PLCL2: variants seen among roughly 807,000 people sequenced by gnomAD.
PLCL2 encodes inactive phospholipase C-like protein 2.
PLCL2 carries 4 observed loss-of-function variants against 79.6 expected under a neutral mutation model. The observed-to-expected ratio is 0.05, with a 90% confidence interval of 0.02 to 0.11. The LOEUF (loss-of-function observed/expected upper bound fraction) is 0.11, where lower values mean the gene tolerates loss of function less well. Ranked by LOEUF, PLCL2 falls within the 10% of genes least tolerant of loss-of-function variation. The probability of loss-of-function intolerance (pLI) is 1.00; values close to 1 mark genes in which losing one functional copy is unlikely to be tolerated. For missense variants in PLCL2, 895 were observed against 1,291.0 expected, an observed-to-expected ratio of 0.69 and a Z score of 4.70; for synonymous variants, 484 against 457.7, an observed-to-expected ratio of 1.06 and a Z score of -0.73.
chr3:16,889,794 G>C (rs1298146491), intron 1 of PLCL2, among the ~76,000 whole-genome samples: 1 of 152,170 alleles, frequency 6.6e-6, no homozygotes, highest in African/African-American at 2.4e-5. Flanking sequence ...GTATTTACCA[G>C]TTCTGCACAG....
chr3:16,956,446 G>C (rs1032489983), intron 1 of PLCL2, among the ~76,000 whole-genome samples: 1 of 152,044 alleles, frequency 6.6e-6, no homozygotes, highest in African/African-American at 2.4e-5. Flanking sequence ...TTTTATTGAG[G>C]ATTTTTGCAT....
In PLCL2 at chr3:17,074,467, G is replaced by A. The variant is rs187585194; in HGVS notation, c.3204+6402G>A. ...TAAGGGCCCTAGGATTTTCAGAATG[G>A]CCAATTAGCATCGGCTGCTACTTAC... On this transcript the variant is annotated intron_variant, in intron 5 of 5. Transcript: ENST00000615277. Among the ~76,000 whole-genome samples the A allele has an allele frequency of 3.0e-3, 456 of 152,274 alleles. 3 individuals are homozygous for A. Among genetic ancestry groups the A allele is most frequent in the African/African-American group, 0.01 (427 of 41,548 alleles).
intron 4 of PLCL2, among the ~76,000 whole-genome samples, chr3:17,044,879 A>G (rs1307731287): frequency 6.6e-6 from 1 of 152,220 alleles, no homozygotes; most frequent in African/African-American, 2.4e-5. Flanking sequence ...GCTTGTACTT[A>G]AAAAGCTGAA....
rs567623327 is a variant in PLCL2, at chr3:16,887,557, A to G, written c.327+2191A>G. ...GTTGAAAGTTGATCAATACTGGGTT[A>G]TAGGAAAGAGAGGATGCTATATTTA... On this transcript the variant is annotated intron_variant, in intron 1 of 5. Transcript: ENST00000615277. This position sits in a 1 kb window ranked among gnomAD's most constrained non-coding sequence, Gnocchi z 4.1. 7.4e-4 allele frequency among the ~76,000 whole-genome samples: 112 copies of G among 152,334 alleles called. No individual in the cohort carries two copies. The highest frequency in any genetic ancestry group is 2.6e-3 in the African/African-American group (109 of 41,570).
intron 1 of PLCL2, among the ~76,000 whole-genome samples, chr3:16,964,440 TTCCAAG>T (rs1443322797): frequency 2.6e-5 from 4 of 152,186 alleles, no homozygotes; most frequent in African/African-American, 9.7e-5. Flanking sequence ...TTTGGGTTGG[TTCCAAG>T]TCTTTGCTAT....
In PLCL2 at chr3:16,891,311, A is replaced by T. The variant is rs188433378; in HGVS notation, c.327+5945A>T. Among the ~76,000 whole-genome samples, 546 of 152,342 alleles carry T rather than the reference A, an allele frequency of 3.6e-3. 2 individuals carry two copies. The highest frequency in any genetic ancestry group is 5.8e-3 in the Non-Finnish European group (392 of 68,038). On this transcript the variant is annotated intron_variant, in intron 1 of 5. Coordinates refer to ENST00000615277, the MANE Select transcript of PLCL2 (RefSeq NM_001144382.2). ...ACCTCCTCTCATAGCATTGTTGTAA[A>T]GATTAAAGGAGATGATTGATGTGTG...
chr3:16,933,184 A>G (rs187550244), intron 1 of PLCL2: 61 of 154,998 alleles, frequency 3.9e-4, no homozygotes, highest in Middle Eastern at 2.1e-3. Flanking sequence ...GGAGCAAAGC[A>G]GACCCGAGAG....
chr3:16,923,484 C>T (rs1423435274), intron 1 of PLCL2, among the ~76,000 whole-genome samples: 2 of 152,178 alleles, frequency 1.3e-5, no homozygotes, highest in African/African-American at 4.8e-5. Flanking sequence ...GGGTCTTTAG[C>T]ACAGCGCCCA....
At chr3:16,999,267 G>A (rs17042983) in intron 1 of PLCL2, among the ~76,000 whole-genome samples, 2,000 of 152,220 alleles carry the variant, frequency 0.013, 50 homozygotes, top group African/African-American at 0.045. Flanking sequence ...CATCACATAC[G>A]TTTGGTTGTG....
chr3:16,940,569 G>A (rs1358180077), intron 1 of PLCL2, among the ~76,000 whole-genome samples: 2 of 151,996 alleles, frequency 1.3e-5, no homozygotes, highest in African/African-American at 2.4e-5. Context: ...AGGCTCAATC[G>A]TGCACCAAAC....
chr3:16,996,902 G>T (rs760606991), intron 1 of PLCL2, among the ~76,000 whole-genome samples: 48 of 152,104 alleles, frequency 3.2e-4, no homozygotes, highest in Non-Finnish European at 6.0e-4. Context: ...ATCTGTCCTT[G>T]TACTATCAAC....
At chr3:17,057,284 A>C (rs2064901181) in intron 4 of PLCL2, among the ~76,000 whole-genome samples, 1 of 152,110 alleles carries the variant, frequency 6.6e-6, no homozygotes, top group Non-Finnish European at 1.5e-5. Context: ...CATTTCTCAA[A>C]CTTATTTGGT....
chr3:16,920,674 A>T (rs1026479938), intron 1 of PLCL2, among the ~76,000 whole-genome samples: 3 of 152,294 alleles, frequency 2.0e-5, no homozygotes, highest in Non-Finnish European at 2.9e-5. Context: ...AAATGCTTGT[A>T]TGGTGTTTTA....
At chr3:16,919,997 A>T (rs1697085890) in intron 1 of PLCL2, among the ~76,000 whole-genome samples, 1 of 152,202 alleles carries the variant, frequency 6.6e-6, no homozygotes. Flanking sequence ...TAATCACCAG[A>T]GTATAATCTT....
intron 1 of PLCL2, among the ~76,000 whole-genome samples, chr3:16,909,673 A>G (rs1475515589): frequency 1.3e-5 from 2 of 152,166 alleles, no homozygotes; most frequent in East Asian, 1.9e-4. Context: ...CTTCCTTTCT[A>G]TTCTATAACT....
At chr3:17,012,518 CAAAAT>C (rs1416033626) in intron 2 of PLCL2, among the ~76,000 whole-genome samples, 1 of 152,036 alleles carries the variant, frequency 6.6e-6, no homozygotes, top group Non-Finnish European at 1.5e-5. Flanking sequence ...GATGATCTAT[CAAAAT>C]AAAAAGGATA....
intron 1 of PLCL2, among the ~76,000 whole-genome samples, chr3:16,885,863 G>C (rs1696208560): frequency 6.6e-6 from 1 of 152,038 alleles, no homozygotes; most frequent in Non-Finnish European, 1.5e-5. Flanking sequence ...ACACTTCGAG[G>C]GTGCAAAATC....
intron 1 of PLCL2, among the ~76,000 whole-genome samples, chr3:16,971,123 A>G (rs1432557095): frequency 1.3e-5 from 2 of 151,610 alleles, no homozygotes; most frequent in Admixed American, 6.6e-5. Flanking sequence ...TGTTTTAGAC[A>G]TGAAGTCCTT....
rs921767544 is a variant in PLCL2, at chr3:17,025,936, C to G, written c.3018+11025C>G. 1.3e-5 allele frequency among the ~76,000 whole-genome samples: 2 copies of G among 152,154 alleles called. 1 individual carries two copies. The highest frequency in any genetic ancestry group is 3.8e-4 in the East Asian group (2 of 5,198). ...ACCCTCACCAAACCTCTCAGAGCAG[C>G]GCACGTGTCTGGAGGGTGAGTCCCT... is the stretch of plus-strand genomic sequence containing the variant. On this transcript the variant is annotated intron_variant, in intron 3 of 5. Transcript: ENST00000615277.
Sources: allele counts gnomAD v4.1 joint callset (sites outside exome capture counted in the v4.1 genomes callset), GRCh38; gene constraint gnomAD v4.1.1; non-coding constraint Gnocchi (gnomAD v3.1); transcripts MANE v1.5; gene names NCBI Gene and HGNC (gene_info 2026-07-23, HGNC 2026-07-21).